The following SP100 variants were observed in gnomAD, a reference collection of about 807,000 sequenced individuals.
SP100 encodes the protein SP100 nuclear body protein.
A neutral mutation model predicts 130.0 loss-of-function variants in SP100; 84 were observed. The ratio of observed to expected loss-of-function variants is 0.65; its 90% CI spans 0.54 to 0.77. SP100 has a LOEUF of 0.77. SP100 is among the 30% of genes least tolerant of loss of function. SP100 has a pLI of 0.00. For missense variants in SP100, 978 were observed against 1,052.2 expected (o/e 0.93, Z 0.97); for synonymous variants, 331 against 351.7 (o/e 0.94, Z 0.66).
At chr2:230,532,536 T>TTA (rs1691747338) in intron 24 of SP100, among the ~76,000 whole-genome samples, 1 of 148,000 alleles carries the variant, frequency 6.8e-6, no homozygotes. Flanking sequence ...TAAGTAGTAA[T>TTA]AAAAAAAAAA....
intron 9 of SP100, 57 bp downstream of exon 9, chr2:230,461,471 T>A (rs1298389998): frequency 1.9e-6 from 3 of 1,572,660 alleles, no homozygotes; most frequent in Admixed American, 3.4e-5. Flanking sequence ...GGTAAGGGGC[T>A]CAGGGACTTC....
rs2066549562 is a variant in SP100, at chr2:230,494,369, T to C, written c.1601-47T>C. 3 of 1,373,802 alleles carry C rather than the reference T, an allele frequency of 2.2e-6. No individual in the cohort carries two copies. The South Asian group carries it at 3.5e-5, about 16-fold the overall frequency. 85.1% of individuals were successfully genotyped at this position (1,373,802 alleles called of 1,614,324 possible). ...TATTGACATATAAAGTGTGTAAATC[T>C]TTGTTTATAGTTCTAAAGGATTATT... On this transcript the variant is annotated intron_variant, in intron 17 of 28. Transcript: ENST00000340126.
At chr2:230,502,231 C>T (rs763800712) in intron 19 of SP100, among the ~76,000 whole-genome samples, 19 of 152,128 alleles carry the variant, frequency 1.2e-4, no homozygotes, top group Non-Finnish European at 2.4e-4. Context: ...AACCATACAA[C>T]TCTTAGGCCT....
chr2:230,541,926 T>G lies in SP100; in HGVS notation c.2438T>G (p.Met813Arg), dbSNP rs1397778776. The G allele has an allele frequency of 1.9e-6, 3 of 1,614,014 alleles. No homozygotes were observed. In the African/African-American group the frequency reaches 4.0e-5, roughly 22 times the overall value. Reference protein sequence around the residue: ...REGSQGPQKPMWLNKVKTSLN... With the variant: ...REGSQGPQKPRWLNKVKTSLN... ...GGGTCTCAGGGCCCACAGAAGCCCA[T>G]GTGGTTAAACAAAGTCAAGACAAGT... is the stretch of plus-strand genomic sequence containing the variant. Residue 813 changes from methionine (M) to arginine (R), a missense_variant, in exon 28 of 29, where the codon ATG (methionine) becomes AGG (arginine). Met to Arg is a moderately conservative substitution (Grantham distance 91). Coordinates refer to ENST00000340126, the MANE Select transcript of SP100 (RefSeq NM_001080391.2).
intron 24 of SP100, among the ~76,000 whole-genome samples, chr2:230,511,573 A>G (rs1489327994): frequency 6.6e-6 from 1 of 152,214 alleles, no homozygotes; most frequent in African/African-American, 2.4e-5. Flanking sequence ...TCCAAGGTGC[A>G]GACAGAGCTC....
At chr2:230,458,401 A>G (rs1397810632) in intron 8 of SP100, among the ~76,000 whole-genome samples, 1 of 152,144 alleles carries the variant, frequency 6.6e-6, no homozygotes, top group Non-Finnish European at 1.5e-5. Context: ...AGGAGGAAGG[A>G]GAGGAGGGGT....
intron 5 of SP100, among the ~76,000 whole-genome samples, chr2:230,448,844 C>A (rs113380997): frequency 1.3e-5 from 2 of 152,128 alleles, no homozygotes; most frequent in Admixed American, 1.3e-4. Context: ...ACAGAGGACA[C>A]GCAGCAGAGT....
chr2:230,534,414 G>A (rs966469111), intron 24 of SP100, among the ~76,000 whole-genome samples: 2 of 152,096 alleles, frequency 1.3e-5, no homozygotes, highest in Non-Finnish European at 2.9e-5. Flanking sequence ...TCAAAAAAAA[G>A]AGAAGTCTTA....
At chr2:230,434,858 C>T (rs1300837035) in intron 2 of SP100, among the ~76,000 whole-genome samples, 1 of 152,092 alleles carries the variant, frequency 6.6e-6, no homozygotes, top group East Asian at 1.9e-4. Context: ...GCGAGTGTGG[C>T]CCGACAGACA....
intron 24 of SP100, among the ~76,000 whole-genome samples, chr2:230,523,055 T>G (rs1691252508): frequency 6.6e-6 from 1 of 152,104 alleles, no homozygotes; most frequent in African/African-American, 2.4e-5. Flanking sequence ...TCTCAAATGA[T>G]CCACCTGCCT....
At chr2:230,536,857 TCCC>T (rs1691964163) in intron 24 of SP100, among the ~76,000 whole-genome samples, 6 of 152,156 alleles carry the variant, frequency 3.9e-5, no homozygotes, top group African/African-American at 1.4e-4. Context: ...ATGGGTGACT[TCCC>T]TGTCTAAACA....
chr2:230,464,191 C>A, intron 11 of SP100, 41 bp downstream of exon 11: 1 of 1,213,878 alleles, frequency 8.2e-7, no homozygotes, highest in African/African-American at 1.5e-5. Context: ...GTAGAATATC[C>A]AGAGTACAAA....
intron 17 of SP100, among the ~76,000 whole-genome samples, chr2:230,483,568 T>C (rs1287489803): frequency 2.0e-5 from 3 of 152,132 alleles, no homozygotes; most frequent in Non-Finnish European, 2.9e-5. Context: ...TGTGAGAACT[T>C]CCTCTGGATT....
At chr2:230,531,873 G>A (rs1183089750) in intron 24 of SP100, among the ~76,000 whole-genome samples, 1 of 152,036 alleles carries the variant, frequency 6.6e-6, no homozygotes, top group East Asian at 1.9e-4. Context: ...TAGCCTCCAA[G>A]GTAAACTGAG....
intron 17 of SP100, among the ~76,000 whole-genome samples, chr2:230,487,378 T>C (rs890066847): frequency 1.1e-4 from 17 of 152,178 alleles, no homozygotes; most frequent in South Asian, 4.1e-4. Context: ...CCAGTTTCAG[T>C]TTTCTGCATA....
chr2:230,464,545 TTG>T (rs2064835448), intron 11 of SP100, among the ~76,000 whole-genome samples: 1 of 152,230 alleles, frequency 6.6e-6, no homozygotes, highest in South Asian at 2.1e-4. Context: ...TTGATAATTA[TTG>T]TCTTAATCAC....
At chr2:230,480,057 C>A (rs528298187) in intron 17 of SP100, among the ~76,000 whole-genome samples, 2 of 152,318 alleles carry the variant, frequency 1.3e-5, no homozygotes, top group East Asian at 3.9e-4. Flanking sequence ...CTTCTAGCCC[C>A]ATTCACCACT....
chr2:230,522,886 C>A (rs1575801807), intron 24 of SP100, among the ~76,000 whole-genome samples: 6 of 151,978 alleles, frequency 3.9e-5, no homozygotes, highest in Admixed American at 3.9e-4. Context: ...GCCATTTCAG[C>A]TCACTGAAAC....
chr2:230,541,749 C>A, intron 27 of SP100, 143 bp from the exon 28 acceptor site: 1 of 812,366 alleles, frequency 1.2e-6, no homozygotes, highest in Non-Finnish European at 1.9e-6. Context: ...CATGACCTCC[C>A]AAAGGTCCCA....
Sources: gnomAD v4.1 joint callset for allele counts (sites outside exome capture counted in the v4.1 genomes callset) on GRCh38, gnomAD v4.1.1 for gene constraint, MANE v1.5 for transcripts, NCBI Gene and HGNC (gene_info 2026-07-23, HGNC 2026-07-21) for gene names.